Variants in TGFBR2 observed in about 807,000 individuals in gnomAD.
The protein encoded by TGFBR2 is TGF-beta receptor type-2.
TGFBR2 carries 18 observed loss-of-function variants against 49.0 expected under a neutral mutation model. The observed-to-expected ratio is 0.37, with a 90% CI of 0.25 to 0.54. The LOEUF (loss-of-function observed/expected upper bound fraction) is 0.54, where lower values mean the gene tolerates loss of function less well. Among genes scored for constraint, TGFBR2 ranks in the 20% least tolerant of loss-of-function variants. The probability of loss-of-function intolerance (pLI) is 0.85; values close to 1 mark genes in which losing one functional copy is unlikely to be tolerated. For missense variants in TGFBR2, 525 were observed against 722.6 expected (o/e 0.73, Z 3.13); for synonymous variants, 282 against 275.9 (o/e 1.02, Z -0.22).
intron 1 of TGFBR2, among the ~76,000 whole-genome samples, chr3:30,608,768 C>T (rs1306206419): frequency 6.6e-6 from 1 of 151,966 alleles, no homozygotes; most frequent in Non-Finnish European, 1.5e-5. Context: ...CTTAGTGTTT[C>T]GTTCTTGGCG....
At position 30,686,471 on chromosome 3, in the gene TGFBR2, A is replaced by G. The variant is rs115098254; in HGVS notation, c.1397-1913A>G. Reference sequence around the variant, plus strand: ...CAAATTCCCCTGTATTTAAAACTATAAAAAAGAAAATATCCTGGCAGCTCT... The same window carrying G: ...CAAATTCCCCTGTATTTAAAACTATGAAAAAGAAAATATCCTGGCAGCTCT... On this transcript the variant is annotated intron_variant, in intron 5 of 6. Transcript: ENST00000295754. 7.0e-3 allele frequency among the ~76,000 whole-genome samples: 1,063 copies of G among 152,278 alleles called. 4 individuals carry two copies. The highest frequency in any genetic ancestry group is 0.017 in the South Asian group (83 of 4,830).
chr3:30,640,136 A>G (rs1432742468), intron 1 of TGFBR2, among the ~76,000 whole-genome samples: 1 of 152,182 alleles, frequency 6.6e-6, no homozygotes, highest in East Asian at 1.9e-4. Flanking sequence ...GGTATGACCT[A>G]GAGTGAAGGT....
intron 1 of TGFBR2, among the ~76,000 whole-genome samples, chr3:30,613,576 G>A (rs115140380): frequency 1.2e-3 from 183 of 152,202 alleles, no homozygotes; most frequent in African/African-American, 4.2e-3. Flanking sequence ...CAGAGAGCGA[G>A]CTTGGGTGTC....
intron 1 of TGFBR2, among the ~76,000 whole-genome samples, chr3:30,632,941 T>C (rs532169171): frequency 6.6e-6 from 1 of 152,354 alleles, no homozygotes; most frequent in South Asian, 2.1e-4. Flanking sequence ...ATAAGTGAAG[T>C]AATTACAAAG....
Position 30,623,285 on chromosome 3 carries a change from T to C in TGFBR2, c.94+16308T>C, listed in dbSNP as rs770994456. On this transcript the variant is annotated intron_variant, in intron 1 of 6. Coordinates refer to ENST00000295754, the MANE Select transcript of TGFBR2 (RefSeq NM_003242.6). Reference sequence around the variant, plus strand: ...TCCACTGAGACATAGTAAAGTATCATTAATTAATCTTTTCATCATTTTTCT... The same window carrying C: ...TCCACTGAGACATAGTAAAGTATCACTAATTAATCTTTTCATCATTTTTCT... The C allele has an allele frequency of 2.6e-5, 42 of 1,613,712 alleles. No homozygotes were observed. The highest frequency in any genetic ancestry group is 3.4e-5 in the Non-Finnish European group (40 of 1,179,792).
chr3:30,623,190 G>C, intron 1 of TGFBR2: 2 of 1,423,162 alleles, frequency 1.4e-6, no homozygotes. Flanking sequence ...TAATTATCCT[G>C]TTTTACAGAT....
At chr3:30,653,145 G>T (rs776028586) in intron 3 of TGFBR2, among the ~76,000 whole-genome samples, 18 of 151,910 alleles carry the variant, frequency 1.2e-4, no homozygotes, top group Non-Finnish European at 1.9e-4. Flanking sequence ...TTTCTGTGTG[G>T]TGGGATATTT....
chr3:30,641,843 G>T (rs1457763172), intron 1 of TGFBR2, among the ~76,000 whole-genome samples: 1 of 151,968 alleles, frequency 6.6e-6, no homozygotes, highest in African/African-American at 2.4e-5. Context: ...CTGGAGCTGT[G>T]CAAATTGGTG....
intron 3 of TGFBR2, among the ~76,000 whole-genome samples, chr3:30,658,364 C>T (rs1699047609): frequency 2.6e-5 from 4 of 152,198 alleles, no homozygotes. Context: ...TAGCTCCTGT[C>T]TTGACTGTAT....
At chr3:30,643,081 A>C (rs1698672878) in intron 1 of TGFBR2, among the ~76,000 whole-genome samples, 1 of 152,232 alleles carries the variant, frequency 6.6e-6, no homozygotes. Context: ...TGCTATGCCC[A>C]AGCTACAAAG....
rs987164326 is a variant in TGFBR2, at chr3:30,693,024, G to A, written c.*1425G>A. On this transcript the variant is annotated 3_prime_UTR_variant, in exon 7 of 7. Transcript: ENST00000295754. ...CTAACCAAGGTCCCTTGTAAGAAAT[G>A]TCCATTCAAGCAGTCATTCTCTGGG... 1.7e-5 allele frequency: 4 copies of A among 233,042 alleles called. No homozygotes were observed. Among genetic ancestry groups the A allele is most frequent in the Non-Finnish European group, 2.5e-5 (3 of 117,944 alleles). 14.4% of individuals were successfully genotyped at this position (233,042 alleles called of 1,614,324 possible).
At chr3:30,613,965 A>G (rs1698081928) in intron 1 of TGFBR2, among the ~76,000 whole-genome samples, 1 of 152,260 alleles carries the variant, frequency 6.6e-6, no homozygotes, top group South Asian at 2.1e-4. Context: ...GGTTAATTGT[A>G]CCATTTTTTC....
chr3:30,632,876 T>C (rs1698462425), intron 1 of TGFBR2, among the ~76,000 whole-genome samples: 1 of 152,222 alleles, frequency 6.6e-6, no homozygotes. Flanking sequence ...CTCAAGTTTT[T>C]ACCTTAAAAC....
chr3:30,635,389 G>A lies in TGFBR2; in HGVS notation c.95-9358G>A, dbSNP rs1037562826. On this transcript the variant is annotated intron_variant, in intron 1 of 6. Coordinates refer to ENST00000295754, the MANE Select transcript of TGFBR2 (RefSeq NM_003242.6). ...ATAAATGAAAATTCAGCAAGCGTTGGGGGGACTCAAATTGTACTTCATTCT... is the reference window on the plus strand; with the variant it reads ...ATAAATGAAAATTCAGCAAGCGTTGAGGGGACTCAAATTGTACTTCATTCT... Among the ~76,000 whole-genome samples the A allele has an allele frequency of 6.6e-5, 10 of 152,154 alleles. No individual in the cohort carries two copies. In the South Asian group the frequency reaches 1.4e-3, roughly 22 times the overall value.
intron 1 of TGFBR2, among the ~76,000 whole-genome samples, chr3:30,630,732 C>T (rs749137348): frequency 3.9e-5 from 6 of 152,116 alleles, no homozygotes; most frequent in Non-Finnish European, 7.3e-5. Context: ...GTGGATTAGT[C>T]CCACATAAAA....
intron 1 of TGFBR2, among the ~76,000 whole-genome samples, chr3:30,607,800 ATATATATATATATTATATATAT>A (rs1559444115): frequency 7.6e-5 from 9 of 118,478 alleles, no homozygotes; most frequent in African/African-American, 3.9e-4. Flanking sequence ...AAATAAAAAA[ATATATATATATATTATATATAT>A]ATAAATATAT....
At position 30,672,017 on chromosome 3, in the gene TGFBR2, C is replaced by G. The variant is rs779238628; in HGVS notation, c.834C>G (p.Ile278Met). The G allele has an allele frequency of 6.2e-7, 1 of 1,614,232 alleles. No individual in the cohort carries two copies. Among genetic ancestry groups the G allele is most frequent in the Non-Finnish European group, 8.5e-7 (1 of 1,180,038 alleles). Residue 278 changes from isoleucine to methionine, a missense_variant, in exon 4 of 7, where the codon ATC (isoleucine) becomes ATG (methionine). Ile to Met is a conservative substitution (Grantham distance 10). Transcript: ENST00000295754. This position sits in a 1 kb window ranked among gnomAD's most constrained non-coding sequence, Gnocchi z 4.5. ...AGTTTGAGACAGTGGCAGTCAAGATCTTTCCCTATGAGGAGTATGCCTCTT... is the reference window on the plus strand; with the variant it reads ...AGTTTGAGACAGTGGCAGTCAAGATGTTTCCCTATGAGGAGTATGCCTCTT... ...SEQFETVAVK[I>M]FPYEEYASWK...
intron 3 of TGFBR2, among the ~76,000 whole-genome samples, chr3:30,656,142 G>C (rs1005225279): frequency 1.3e-5 from 2 of 152,150 alleles, no homozygotes; most frequent in African/African-American, 2.4e-5. Context: ...AATAAATTTG[G>C]TCTAAAGCCT....
chr3:30,646,762 A>G (rs1698749100), intron 2 of TGFBR2, among the ~76,000 whole-genome samples: 1 of 152,180 alleles, frequency 6.6e-6, no homozygotes, highest in African/African-American at 2.4e-5. Context: ...TTTCTTAAAT[A>G]TCTACGGTGG....
Sources: allele counts gnomAD v4.1 joint callset (sites outside exome capture counted in the v4.1 genomes callset), GRCh38; gene constraint gnomAD v4.1.1; non-coding constraint Gnocchi (gnomAD v3.1); transcripts MANE v1.5; gene names NCBI Gene and HGNC (gene_info 2026-07-23, HGNC 2026-07-21).